The following TYW5 variants were observed in gnomAD, a reference collection of about 807,000 sequenced individuals.
The protein encoded by TYW5 is tRNA-yW synthesizing protein 5, also known as tRNA wybutosine-synthesizing protein 5.
A neutral mutation model predicts 44.4 loss-of-function variants in TYW5; 36 were observed. The ratio of observed to expected loss-of-function variants is 0.81; its 90% CI spans 0.62 to 1.07. The LOEUF is 1.07. Ranked by LOEUF, TYW5 falls within the 50% of genes least tolerant of loss-of-function variation. The probability of loss-of-function intolerance (pLI) is 0.00; values close to 1 mark genes in which losing one functional copy is unlikely to be tolerated. For synonymous variants in TYW5, 121 were observed against 128.1 expected (o/e 0.94, Z 0.37); for missense variants, 354 against 365.7 (o/e 0.97, Z 0.26).
chr2:199,947,568 G>C (rs1054886454), intron 2 of TYW5: 9 of 152,176 alleles, frequency 5.9e-5, no homozygotes, highest in Non-Finnish European at 1.3e-4. Context: ...GATGATGAAA[G>C]ATTATACCAA....
intron 4 of TYW5, 54 bp from the exon 5 acceptor site, chr2:199,939,124 A>C: frequency 6.6e-7 from 1 of 1,509,776 alleles, no homozygotes; most frequent in Non-Finnish European, 8.8e-7. Context: ...TATGATATTA[A>C]GGAAGACTGG....
chr2:199,946,708 T>C (rs1256875882), intron 2 of TYW5: 1 of 152,194 alleles, frequency 6.6e-6, no homozygotes, highest in Non-Finnish European at 1.5e-5. Flanking sequence ...TACTTTCTAG[T>C]CTCTCTTTGG....
chr2:199,944,893 G>A (rs1297152574), intron 2 of TYW5: 22 of 152,186 alleles, frequency 1.4e-4, no homozygotes, highest in Admixed American at 1.4e-3. Flanking sequence ...AACATGGTGT[G>A]AACCCATGAA....
At chr2:199,950,497 C>G (rs1482989145) in intron 1 of TYW5, among the ~76,000 whole-genome samples, 2 of 152,148 alleles carry the variant, frequency 1.3e-5, no homozygotes, top group Non-Finnish European at 2.9e-5. Context: ...CCAGGGCCCC[C>G]CTCCGAGTAG....
chr2:199,935,950 A>AC lies in TYW5; in HGVS notation c.671dup (p.Asp225Ter). 6.2e-7 allele frequency: 1 copy of AC among 1,611,106 alleles called. No homozygotes were observed. Among genetic ancestry groups the AC allele is most frequent in the Non-Finnish European group, 8.5e-7 (1 of 1,177,732 alleles). On this transcript the variant is annotated frameshift_variant, in exon 7 of 8. Transcript: ENST00000354611. LOFTEE classifies it high-confidence loss of function. ...TCTTACCAGGAATGAATAATACATC[A>AC]CCAGCTTCAAGGGAACATTCATATC...
At chr2:199,935,751 CACACACACACACACAT>C (rs1329153352) in intron 7 of TYW5, among the ~76,000 whole-genome samples, 164 bp downstream of exon 7, 7 of 141,768 alleles carry the variant, frequency 4.9e-5, no homozygotes, top group Admixed American at 1.6e-4. Context: ...CACACACACA[CACACACACACACACAT>C]ACACACACAC....
chr2:199,943,529 G>C (rs1574802882), intron 3 of TYW5: 1 of 380,546 alleles, frequency 2.6e-6, no homozygotes, highest in East Asian at 4.7e-5. Flanking sequence ...TTATAAAATA[G>C]GTACTATTAT....
chr2:199,932,725 C>T lies in TYW5; in HGVS notation c.*342G>A, dbSNP rs992703693. On this transcript the variant is annotated 3_prime_UTR_variant, in exon 8 of 8. Transcript: ENST00000354611. ...TTGAAAAGGGGGTGGGGTGTGGAGG[C>T]GGGTTCCCAAGGTTCTTGATGACAT... 4.2e-5 allele frequency: 9 copies of T among 215,306 alleles called. No individual in the cohort carries two copies. In the South Asian group the frequency reaches 4.6e-4, roughly 11 times the overall value. The allele number at this position is 215,306 out of a possible 1,614,324, so 13.3% of individuals were successfully genotyped here. A position where few individuals can be genotyped will look rare whatever the true frequency, so the allele number is the denominator to read the frequency against.
chr2:199,940,887 AATAAT>A (rs565666373), intron 3 of TYW5, among the ~76,000 whole-genome samples: 92 of 152,266 alleles, frequency 6.0e-4, no homozygotes, highest in Middle Eastern at 6.8e-3. Context: ...TTATGCTTTT[AATAAT>A]ATATTTTTTT....
chr2:199,950,848 A>C (rs1163930053), intron 1 of TYW5, among the ~76,000 whole-genome samples: 1 of 152,212 alleles, frequency 6.6e-6, no homozygotes, highest in African/African-American at 2.4e-5. Context: ...AGCATATGAT[A>C]ATCATACAAG....
intron 2 of TYW5, chr2:199,947,754 TCTTC>T (rs2077513779): frequency 6.6e-6 from 1 of 152,334 alleles, no homozygotes; most frequent in African/African-American, 2.4e-5. Context: ...AGAAATTTTA[TCTTC>T]CTTCCATGAC....
At chr2:199,951,538 A>G (rs976841298) in intron 1 of TYW5, among the ~76,000 whole-genome samples, 16 of 152,188 alleles carry the variant, frequency 1.1e-4, no homozygotes, top group Admixed American at 7.2e-4. Context: ...AAGTCACCCC[A>G]TCCACATTCT....
rs2077393181 is a variant in TYW5 at position 199,933,184 on chromosome 2, T to C, written c.831A>G (p.Gln277=). Residue 277 remains glutamine (Q), a synonymous_variant, in exon 8 of 8, where the codon CAA becomes CAG. Transcript: ENST00000354611. The stretch of plus-strand genomic sequence containing the variant: ...GTGTTTTCAAGGCTCTGTCCAGAAT[T>C]TGTGCAGCTCTTGATGCTGCTGTAG... ...KDPTAASRAA[Q]ILDRALKTLA... 1 of 1,614,046 alleles carries C rather than the reference T, an allele frequency of 6.2e-7. No individual in the cohort carries two copies. The highest frequency in any genetic ancestry group is 1.3e-5 in the African/African-American group (1 of 74,918).
intron 5 of TYW5, 103 bp from the exon 6 acceptor site, chr2:199,936,595 A>C: frequency 1.1e-6 from 1 of 873,148 alleles, no homozygotes; most frequent in Non-Finnish European, 1.8e-6. Context: ...CTTTAATGAG[A>C]CTTGACTTAC....
At chr2:199,952,319 T>C (rs1263952895) in intron 1 of TYW5, among the ~76,000 whole-genome samples, 2 of 152,216 alleles carry the variant, frequency 1.3e-5, no homozygotes, top group African/African-American at 4.8e-5. Flanking sequence ...GGTATAAAAT[T>C]TGAGTATGCC....
intron 5 of TYW5, 59 bp downstream of exon 5, chr2:199,938,874 T>C: frequency 3.3e-6 from 5 of 1,503,378 alleles, no homozygotes; most frequent in Non-Finnish European, 4.5e-6. Flanking sequence ...ACTGTGACTG[T>C]TAAATCTATA....
At position 199,930,802 on chromosome 2, in the gene TYW5, G is replaced by A. The variant is rs1198079889; in HGVS notation, c.*2265C>T. 1.3e-5 allele frequency: 2 copies of A among 152,058 alleles called. No homozygotes were observed. The highest frequency in any genetic ancestry group is 2.4e-5 in the African/African-American group (1 of 41,380). The allele number at this position is 152,058 out of a possible 1,614,324, so 9.4% of individuals were successfully genotyped here. On this transcript the variant is annotated 3_prime_UTR_variant, in exon 8 of 8. Coordinates refer to ENST00000354611, the MANE Select transcript of TYW5 (RefSeq NM_001039693.3). ...AGAATTACTGGTCACAACGAATCCC[G>A]GTTTCTATCACCCATAGCTATGTGA...
chr2:199,934,052 C>T (rs993165940), intron 7 of TYW5, among the ~76,000 whole-genome samples: 3 of 151,836 alleles, frequency 2.0e-5, no homozygotes, highest in African/African-American at 7.3e-5. Context: ...TAAAGCAATA[C>T]CACAATATAA....
At chr2:199,939,132 T>TG in intron 4 of TYW5, 62 bp from the exon 5 acceptor site, 1 of 1,474,038 alleles carries the variant, frequency 6.8e-7, no homozygotes, top group East Asian at 2.3e-5. Flanking sequence ...TAAGGAAGAC[T>TG]GGGGCAAAAC....
Sources: gnomAD v4.1 joint callset for allele counts (sites outside exome capture counted in the v4.1 genomes callset) on GRCh38, gnomAD v4.1.1 for gene constraint, MANE v1.5 for transcripts, NCBI Gene and HGNC (gene_info 2026-07-23, HGNC 2026-07-21) for gene names.